The following TRIM37 variants were observed in gnomAD, a reference collection of about 807,000 sequenced individuals.
TRIM37 encodes tripartite motif containing 37, also known as E3 ubiquitin-protein ligase TRIM37.
TRIM37 carries 80 observed loss-of-function variants against 129.8 expected under a neutral mutation model. The ratio of observed to expected loss-of-function variants is 0.62; its 90% CI spans 0.51 to 0.74. TRIM37 has a LOEUF of 0.74. TRIM37 is among the 30% of genes least tolerant of loss of function. The probability of loss-of-function intolerance (pLI) is 0.00; values close to 1 mark genes in which losing one functional copy is unlikely to be tolerated. For missense variants in TRIM37, 1,054 were observed against 1,176.5 expected, an observed-to-expected ratio of 0.90 and a Z score of 1.52; for synonymous variants, 389 against 387.1, an observed-to-expected ratio of 1.00 and a Z score of -0.06.
the TRIM37 span, chr17:58,969,459 C>A: frequency 7.3e-7 from 1 of 1,367,232 alleles, no homozygotes; most frequent in Non-Finnish European, 1.0e-6. Context: ...AAAGGATGGG[C>A]AACAATGATG....
intron 20 of TRIM37, among the ~76,000 whole-genome samples, chr17:59,016,871 G>A (rs2036008710): frequency 3.3e-5 from 5 of 152,040 alleles, no homozygotes; most frequent in Admixed American, 3.3e-4. Flanking sequence ...GGTCTGTTCT[G>A]TTGAGATCAA....
At chr17:58,986,357 C>T (rs1273706346) in intron 24 of TRIM37, among the ~76,000 whole-genome samples, 1 of 151,840 alleles carries the variant, frequency 6.6e-6, no homozygotes, top group African/African-American at 2.4e-5. Flanking sequence ...CGCCACCACA[C>T]CCAGCTCATT....
intron 2 of TRIM37, among the ~76,000 whole-genome samples, chr17:59,095,475 G>T (rs1209321558): frequency 6.6e-6 from 1 of 152,150 alleles, no homozygotes; most frequent in African/African-American, 2.4e-5. Flanking sequence ...TGGCAAGGTT[G>T]CAGGGAAATG....
intron 6 of TRIM37, among the ~76,000 whole-genome samples, chr17:59,080,554 A>G (rs1158584393): frequency 1.3e-5 from 2 of 152,198 alleles, no homozygotes; most frequent in Non-Finnish European, 2.9e-5. Context: ...GCACTTTGGG[A>G]GGCCAAGGCA....
chr17:59,031,777 C>A (rs186129147), intron 18 of TRIM37, 119 bp downstream of exon 18: 19 of 1,001,146 alleles, frequency 1.9e-5, no homozygotes, highest in Admixed American at 1.0e-4. Context: ...TTATGGTATA[C>A]AATGAAAAAC....
Position 59,060,297 on chromosome 17 carries a change from T to C in TRIM37, c.1019+735A>G, listed in dbSNP as rs986102229. On this transcript the variant is annotated intron_variant, in intron 12 of 23. Coordinates refer to ENST00000262294, the MANE Select transcript of TRIM37 (RefSeq NM_015294.6). The stretch of plus-strand genomic sequence containing the variant: ...GGACTACTTTCATTTGTTACCACCA[T>C]GTCCAGTGTCTAGAAAATGTTGTTT... Among the ~76,000 whole-genome samples the C allele has an allele frequency of 5.9e-5, 9 of 152,114 alleles. No individual in the cohort carries two copies. In the East Asian group the frequency reaches 1.5e-3, roughly 26 times the overall value.
At chr17:59,057,079 C>T in intron 12 of TRIM37, 25 bp from the exon 13 acceptor site, 1 of 1,604,226 alleles carries the variant, frequency 6.2e-7, no homozygotes, top group Non-Finnish European at 8.5e-7. Flanking sequence ...CAGACCATTA[C>T]TATACAGTTA....
intron 22 of TRIM37, among the ~76,000 whole-genome samples, chr17:59,006,239 T>C (rs1305340622): frequency 6.6e-6 from 1 of 152,198 alleles, no homozygotes; most frequent in African/African-American, 2.4e-5. Flanking sequence ...GACAAATGGC[T>C]GGACGTCAAT....
chr17:59,086,290 T>C (rs1003544480), intron 4 of TRIM37, among the ~76,000 whole-genome samples: 1 of 151,634 alleles, frequency 6.6e-6, no homozygotes, highest in Non-Finnish European at 1.5e-5. Context: ...CAGGCTGGAA[T>C]GAAGTGGCGC....
At chr17:59,029,293 A>G (rs1270013015) in intron 18 of TRIM37, among the ~76,000 whole-genome samples, 1 of 152,180 alleles carries the variant, frequency 6.6e-6, no homozygotes, top group Non-Finnish European at 1.5e-5. Flanking sequence ...TAGAACTTCC[A>G]TTTCTGATAA....
Position 59,041,831 on chromosome 17 carries a change from C to A in TRIM37, c.1735G>T (p.Ala579Ser). ...LEEGELMEDA[A>S]AAGPAGSSHG... The stretch of plus-strand genomic sequence containing the variant: ...TCATTACCTGCGGGTCCTGCAGCAG[C>A]TGCATCTTCCATGAGTTCTCCCTCT... The change falls in exon 17 of 24, where the codon GCT (alanine) becomes TCT (serine). Residue 579 changes from alanine to serine, a missense_variant. Around this residue, in one of 3 missense-constraint regions of TRIM37, gnomAD observed 752 missense variants for 870.8 expected, o/e 0.86. Transcript: ENST00000262294. 6.2e-7 allele frequency: 1 copy of A among 1,613,888 alleles called. No individual in the cohort carries two copies. The highest frequency in any genetic ancestry group is 8.5e-7 in the Non-Finnish European group (1 of 1,179,842).
intron 3 of TRIM37, among the ~76,000 whole-genome samples, chr17:59,090,565 A>G (rs894737997): frequency 6.6e-6 from 1 of 151,988 alleles, no homozygotes; most frequent in Non-Finnish European, 1.5e-5. Context: ...ATTTTATTTT[A>G]TATTTATCTC....
In TRIM37 at chr17:59,047,615, T is replaced by G. The variant is rs1389540758; in HGVS notation, c.1667+68A>C. ...TGCTGAATATCCCTACATTTAAGTG[T>G]GAGTTAGTTAATATGCTTCTAATAA... On this transcript the variant is annotated intron_variant, in intron 16 of 23. Coordinates refer to ENST00000262294, the MANE Select transcript of TRIM37 (RefSeq NM_015294.6). 4.1e-6 allele frequency: 6 copies of G among 1,481,378 alleles called. No homozygotes were observed. The African/African-American group carries it at 4.1e-5, about 10-fold the overall frequency. 91.8% of individuals were successfully genotyped at this position (1,481,378 alleles called of 1,614,324 possible). A position where few individuals can be genotyped will look rare whatever the true frequency, so the allele number is the denominator to read the frequency against.
chr17:59,083,386 C>T (rs1599440194), intron 5 of TRIM37, among the ~76,000 whole-genome samples: 1 of 150,122 alleles, frequency 6.7e-6, no homozygotes, highest in South Asian at 2.1e-4. Context: ...TGCAGTGAGC[C>T]GAGATCCCAC....
At chr17:59,082,041 G>A (rs992892362) in intron 5 of TRIM37, among the ~76,000 whole-genome samples, 2 of 150,848 alleles carry the variant, frequency 1.3e-5, no homozygotes, top group African/African-American at 2.4e-5. Flanking sequence ...AGGCTGAGGC[G>A]GGTGGATCAC....
intron 17 of TRIM37, among the ~76,000 whole-genome samples, chr17:59,034,050 T>G (rs537398361): frequency 6.6e-6 from 1 of 150,474 alleles, no homozygotes; most frequent in African/African-American, 2.4e-5. Flanking sequence ...GAGGTTACAG[T>G]GAGCCAAGAT....
chr17:59,060,954 A>G lies in TRIM37; in HGVS notation c.1019+78T>C. Reference sequence around the variant, plus strand: ...GACATACCAATACAGTAATTAACAAAAATAAAAATTAACAAAAATTGCTAG... The same window carrying G: ...GACATACCAATACAGTAATTAACAAGAATAAAAATTAACAAAAATTGCTAG... On this transcript the variant is annotated intron_variant, in intron 12 of 23. Coordinates refer to ENST00000262294, the MANE Select transcript of TRIM37 (RefSeq NM_015294.6). 2.9e-6 allele frequency: 3 copies of G among 1,051,566 alleles called. 1 individual carries two copies. The South Asian group carries it at 4.0e-5, about 14-fold the overall frequency. 65.1% of individuals were successfully genotyped at this position (1,051,566 alleles called of 1,614,324 possible). A position where few individuals can be genotyped will look rare whatever the true frequency, so the allele number is the denominator to read the frequency against.
At chr17:59,088,454 T>C in intron 3 of TRIM37, 47 bp from the exon 4 acceptor site, 4 of 1,079,158 alleles carry the variant, frequency 3.7e-6, no homozygotes, top group Non-Finnish European at 5.8e-6. Flanking sequence ...AATTTGAGAT[T>C]ATTTTATAAA....
chr17:59,062,518 G>C, intron 11 of TRIM37, 49 bp downstream of exon 11: 1 of 1,488,836 alleles, frequency 6.7e-7, no homozygotes, highest in Non-Finnish European at 9.3e-7. Flanking sequence ...ACAGAACTCT[G>C]AAAGAAAGAC....
Sources: gnomAD v4.1 joint callset for allele counts (sites outside exome capture counted in the v4.1 genomes callset) on GRCh38, gnomAD v4.1.1 for gene constraint, gnomAD v4.1.1 regional missense constraint, MANE v1.5 for transcripts, NCBI Gene and HGNC (gene_info 2026-07-23, HGNC 2026-07-21) for gene names.